The following LUZP2 variants were observed in gnomAD, a reference collection of about 807,000 sequenced individuals.
LUZP2 encodes leucine zipper protein 2.
Under a neutral mutation model 51.6 loss-of-function variants are expected in LUZP2, and 52 were observed. The ratio of observed to expected loss-of-function variants is 1.01; its 90% confidence interval spans 0.81 to 1.27. The LOEUF (loss-of-function observed/expected upper bound fraction) is 1.27, where lower values mean the gene tolerates loss of function less well. Among genes scored for constraint, LUZP2 ranks in the 50% most tolerant of loss-of-function variants. The pLI is 0.00. For missense variants in LUZP2, 436 were observed against 395.4 expected (o/e 1.10, Z -0.87); for synonymous variants, 154 against 137.3 (o/e 1.12, Z -0.85).
chr11:25,081,312 C>G lies in LUZP2; in HGVS notation c.*2654C>G, dbSNP rs542423800. ...GTCTCCTCCCAAAATGCTGGGATTA[C>G]AGGTGTGAGCCACCGTGCCTGGCCA... On this transcript the variant is annotated 3_prime_UTR_variant, in exon 12 of 12. Transcript: ENST00000336930. 1 of 152,176 alleles carries G rather than the reference C, an allele frequency of 6.6e-6. No individual in the cohort carries two copies. The highest frequency in any genetic ancestry group is 1.5e-5 in the Non-Finnish European group (1 of 68,070). The allele number at this position is 152,176 out of a possible 1,614,324, so 9.4% of individuals were successfully genotyped here.
intron 5 of LUZP2, among the ~76,000 whole-genome samples, chr11:24,894,113 T>C (rs923422114): frequency 6.6e-6 from 1 of 152,078 alleles, no homozygotes; most frequent in East Asian, 1.9e-4. Flanking sequence ...TGAATATCTA[T>C]GAGTGAATAG....
At chr11:24,597,160 ATATT>A (rs1853470051) in intron 1 of LUZP2, among the ~76,000 whole-genome samples, 1 of 152,346 alleles carries the variant, frequency 6.6e-6, no homozygotes, top group East Asian at 1.9e-4. Flanking sequence ...AAGTGTAAAA[ATATT>A]AAATAGGTAT....
intron 6 of LUZP2, among the ~76,000 whole-genome samples, chr11:24,911,585 A>G (rs979829433): frequency 1.3e-5 from 2 of 152,076 alleles, no homozygotes; most frequent in African/African-American, 4.8e-5. Flanking sequence ...GGTGCCTTCC[A>G]CCATGATTAT....
intron 4 of LUZP2, among the ~76,000 whole-genome samples, chr11:24,750,934 A>G (rs574182882): frequency 1.3e-5 from 2 of 152,174 alleles, no homozygotes; most frequent in Non-Finnish European, 2.9e-5. Flanking sequence ...TTGACTTTCT[A>G]CACTTTTATA....
At chr11:24,589,712 G>T (rs1360874467) in intron 1 of LUZP2, among the ~76,000 whole-genome samples, 3 of 152,156 alleles carry the variant, frequency 2.0e-5, no homozygotes, top group Non-Finnish European at 2.9e-5. Flanking sequence ...CATTAAAGAA[G>T]TCAGGCCACT....
At chr11:24,766,250 A>C (rs1002347711) in intron 5 of LUZP2, among the ~76,000 whole-genome samples, 1 of 152,096 alleles carries the variant, frequency 6.6e-6, no homozygotes, top group Non-Finnish European at 1.5e-5. Context: ...TGAAATATTC[A>C]AGTCAAATCT....
At chr11:24,612,073 G>A (rs750946770) in intron 1 of LUZP2, among the ~76,000 whole-genome samples, 7 of 152,070 alleles carry the variant, frequency 4.6e-5, no homozygotes, top group Non-Finnish European at 7.4e-5. Flanking sequence ...TTCTAAGGAA[G>A]GAAGGGAGTT....
chr11:24,995,849 A>T (rs1056986320), intron 9 of LUZP2, among the ~76,000 whole-genome samples: 4 of 151,990 alleles, frequency 2.6e-5, no homozygotes, highest in Admixed American at 2.6e-4. Context: ...AGAATTTTCT[A>T]GAAAGTCAAT....
chr11:24,836,967 T>C (rs1233172161), intron 5 of LUZP2, among the ~76,000 whole-genome samples: 1 of 151,726 alleles, frequency 6.6e-6, no homozygotes, highest in Non-Finnish European at 1.5e-5. Context: ...ATATTTCTTT[T>C]AATACTTGTT....
intron 5 of LUZP2, among the ~76,000 whole-genome samples, chr11:24,787,194 C>G (rs770590172): frequency 6.6e-6 from 1 of 152,088 alleles, no homozygotes; most frequent in Admixed American, 6.6e-5. Context: ...TTAAATGTTT[C>G]AAATCATCTA....
At chr11:24,552,397 A>G (rs562610747) in intron 1 of LUZP2, among the ~76,000 whole-genome samples, 3 of 152,136 alleles carry the variant, frequency 2.0e-5, no homozygotes, top group African/African-American at 7.2e-5. Context: ...ATTATAACAA[A>G]CATTAAATAA....
intron 5 of LUZP2, among the ~76,000 whole-genome samples, chr11:24,816,882 A>G (rs2631512): frequency 0.5 from 75,884 of 151,800 alleles, 19,313 homozygotes; most frequent in African/African-American, 0.59. Flanking sequence ...GACTTTTTTT[A>G]GTATTTGATA....
chr11:24,806,910 A>AAC (rs2134127876), intron 5 of LUZP2, among the ~76,000 whole-genome samples: 1 of 149,696 alleles, frequency 6.7e-6, no homozygotes, highest in African/African-American at 2.5e-5. Flanking sequence ...GGGGATGACA[A>AAC]AAAAAAAATC....
At chr11:24,607,901 T>C (rs1206245998) in intron 1 of LUZP2, among the ~76,000 whole-genome samples, 1 of 151,988 alleles carries the variant, frequency 6.6e-6, no homozygotes, top group East Asian at 1.9e-4. Context: ...CAGGCTGGAG[T>C]GCAGTGGCGC....
intron 1 of LUZP2, among the ~76,000 whole-genome samples, chr11:24,570,706 G>C (rs973256708): frequency 6.6e-6 from 1 of 152,036 alleles, no homozygotes; most frequent in Non-Finnish European, 1.5e-5. Context: ...CTTATGATTT[G>C]CAGTCTCTTT....
At chr11:24,815,462 T>G (rs1272328674) in intron 5 of LUZP2, among the ~76,000 whole-genome samples, 2 of 152,198 alleles carry the variant, frequency 1.3e-5, no homozygotes, top group Admixed American at 1.3e-4. Context: ...TACCTAATAC[T>G]CGTCTTTAGT....
chr11:25,077,445 T>G (rs1005171599), intron 11 of LUZP2, 39 bp downstream of exon 11: 57 of 1,080,628 alleles, frequency 5.3e-5, no homozygotes, highest in Non-Finnish European at 7.6e-5. Flanking sequence ...CAAAAAGCAT[T>G]TATTGGATCC....
chr11:24,699,998 G>A (rs1283359527), intron 1 of LUZP2, among the ~76,000 whole-genome samples: 4 of 148,834 alleles, frequency 2.7e-5, no homozygotes, highest in Non-Finnish European at 5.9e-5. Context: ...ATTTGTACTT[G>A]TCACTCCCTC....
chr11:24,582,229 C>T (rs990040094), intron 1 of LUZP2, among the ~76,000 whole-genome samples: 13 of 149,946 alleles, frequency 8.7e-5, no homozygotes, highest in African/African-American at 2.9e-4. Flanking sequence ...AGAATCTTTT[C>T]CAGGTGTGTC....
Sources: allele counts gnomAD v4.1 joint callset (sites outside exome capture counted in the v4.1 genomes callset), GRCh38; gene constraint gnomAD v4.1.1; transcripts MANE v1.5; gene names NCBI Gene and HGNC (gene_info 2026-07-23, HGNC 2026-07-21).